The following KAZN variants were observed in gnomAD, a reference collection of about 807,000 sequenced individuals.
The protein encoded by KAZN is kazrin, periplakin interacting protein.
In KAZN, 40 loss-of-function variants were observed where a neutral mutation model predicts 87.4. That is an observed-to-expected ratio of 0.46 (90% confidence interval 0.36 to 0.60). The LOEUF (loss-of-function observed/expected upper bound fraction) is 0.60, where lower values mean the gene tolerates loss of function less well. Ranked by LOEUF, KAZN falls within the 20% of genes least tolerant of loss-of-function variation. KAZN has a pLI of 0.00. For missense variants in KAZN, 898 were observed against 1,073.9 expected, an observed-to-expected ratio of 0.84 and a Z score of 2.29; for synonymous variants, 466 against 458.3, an observed-to-expected ratio of 1.02 and a Z score of -0.22.
chr1:14,273,814 A>C (rs1000478818), intron 2 of KAZN, among the ~76,000 whole-genome samples: 3 of 147,692 alleles, frequency 2.0e-5, no homozygotes, highest in East Asian at 4.0e-4. Context: ...TCTTTCTCAA[A>C]GTCTGAAAGC....
intron 2 of KAZN, among the ~76,000 whole-genome samples, chr1:14,433,876 G>A (rs1489082201): frequency 1.3e-5 from 2 of 152,158 alleles, no homozygotes; most frequent in East Asian, 3.9e-4. Flanking sequence ...AAAAAAAAAG[G>A]AGACAGTGAA....
At position 14,317,766 on chromosome 1, in the gene KAZN, T is replaced by C. The variant is rs75351472; in HGVS notation, c.249+137174T>C. Among the ~76,000 whole-genome samples, 662 of 152,050 alleles carry C rather than the reference T, an allele frequency of 4.4e-3. 2 individuals carry two copies. The highest frequency in any genetic ancestry group is 0.017 in the Middle Eastern group (5 of 294). ...AGTGAAACAACACACAGCAGGTCCTTGAATAACATTGTTTCATTATAACAT... is the reference window on the plus strand; with the variant it reads ...AGTGAAACAACACACAGCAGGTCCTCGAATAACATTGTTTCATTATAACAT... On this transcript the variant is annotated intron_variant, in intron 2 of 16. Coordinates refer to the KAZN transcript ENST00000636203.
rs530738068 is a variant in KAZN at position 14,338,220 on chromosome 1, T to C, written c.249+157628T>C. On this transcript the variant is annotated intron_variant, in intron 2 of 16. Transcript: ENST00000636203. The stretch of plus-strand genomic sequence containing the variant: ...TGGGCGCAATGGCTCACACCTGTAA[T>C]CCCAACACTTTGGGAAGCCAAGGTG... 4.3e-4 allele frequency among the ~76,000 whole-genome samples: 65 copies of C among 151,934 alleles called. No homozygotes were observed. The South Asian group carries it at 0.01, about 24-fold the overall frequency.
At chr1:14,071,869 C>A (rs540453445) in intron 1 of KAZN, among the ~76,000 whole-genome samples, 406 of 152,310 alleles carry the variant, frequency 2.7e-3, no homozygotes, top group African/African-American at 9.2e-3. Flanking sequence ...ACTAAGGAAA[C>A]CTGAGCTGCA....
intron 2 of KAZN, among the ~76,000 whole-genome samples, chr1:14,547,539 C>T (rs74226822): frequency 0.21 from 31,738 of 152,016 alleles, 3,700 homozygotes; most frequent in Admixed American, 0.36. Flanking sequence ...AACAAGGTTC[C>T]CTGATGTATT....
In KAZN at chr1:14,417,011, T is replaced by TACACACACACAC. The variant is rs58667891; in HGVS notation, c.250-181953_250-181942dup. On this transcript the variant is annotated intron_variant, in intron 2 of 16. Coordinates refer to the KAZN transcript ENST00000636203. ...ATATATGTGTGTATGTATATATATG[T>TACACACACACAC]ACACACACACACACACACACACACA... 1.1e-4 allele frequency among the ~76,000 whole-genome samples: 16 copies of TACACACACACAC among 145,596 alleles called. No individual in the cohort carries two copies. In the East Asian group the frequency reaches 2.9e-3, roughly 26 times the overall value.
In KAZN at chr1:15,056,243, C is replaced by G. The variant is rs71631706; in HGVS notation, c.879C>G (p.Leu293=). 2 of 1,612,864 alleles carry G rather than the reference C, an allele frequency of 1.2e-6. No individual in the cohort carries two copies. The highest frequency in any genetic ancestry group is 2.2e-5 in the South Asian group (2 of 91,050). ...CCATCCGGCAGAGTCAACAGACTCT[C>G]TACCACTCACACCCCCCTCACCCTG... ...TAAIRQSQQT[L]YHSHPPHPAD... Residue 293 remains leucine, a synonymous_variant, in exon 5 of 15, where the codon CTC becomes CTG. Coordinates refer to ENST00000376030, the MANE Select transcript of KAZN (RefSeq NM_201628.3). The surrounding 1 kb of genome is among the most constrained non-coding windows in gnomAD (Gnocchi z 5.4).
intron 1 of KAZN, among the ~76,000 whole-genome samples, chr1:14,040,319 T>C (rs1399090641): frequency 1.3e-5 from 2 of 152,036 alleles, no homozygotes; most frequent in African/African-American, 4.8e-5. Context: ...CAGGCTGAAT[T>C]AGGTGGAAGG....
intron 1 of KAZN, among the ~76,000 whole-genome samples, chr1:14,832,116 A>G (rs1018656169): frequency 6.6e-6 from 1 of 152,000 alleles, no homozygotes; most frequent in African/African-American, 2.4e-5. Flanking sequence ...GAATCACTTG[A>G]ACCCAGGAGG....
chr1:14,696,768 G>T (rs1043823700), intron 1 of KAZN, among the ~76,000 whole-genome samples: 1 of 152,178 alleles, frequency 6.6e-6, no homozygotes, highest in African/African-American at 2.4e-5. Context: ...AGCTCCCAGC[G>T]AGGCTGATCC....
intron 2 of KAZN, among the ~76,000 whole-genome samples, chr1:14,230,378 G>A (rs1299250633): frequency 6.6e-6 from 1 of 152,176 alleles, no homozygotes; most frequent in African/African-American, 2.4e-5. Context: ...TGCTTGAACA[G>A]TATTATTTTA....
chr1:14,403,833 C>A (rs79694037), intron 2 of KAZN, among the ~76,000 whole-genome samples: 21 of 152,308 alleles, frequency 1.4e-4, no homozygotes, highest in Non-Finnish European at 2.8e-4. Flanking sequence ...TAATACCCAA[C>A]ATTCATTGCC....
intron 2 of KAZN, among the ~76,000 whole-genome samples, chr1:14,450,353 C>T (rs1667203784): frequency 6.6e-6 from 1 of 152,130 alleles, no homozygotes; most frequent in South Asian, 2.1e-4. Flanking sequence ...CTTTCGGAGG[C>T]CGAAGCGGGT....
chr1:14,193,805 G>A (rs1646472055), intron 2 of KAZN, among the ~76,000 whole-genome samples: 2 of 151,978 alleles, frequency 1.3e-5, no homozygotes, highest in African/African-American at 2.4e-5. Context: ...AGCCTTGAAT[G>A]CTGGCCCTAG....
intron 3 of KAZN, 117 bp from the exon 4 acceptor site, chr1:15,043,872 T>C: frequency 2.9e-6 from 3 of 1,032,468 alleles, no homozygotes; most frequent in Middle Eastern, 3.2e-4. Context: ...CTCAATCTCC[T>C]GACCTCGTGA....
At chr1:13,962,971 T>G (rs1000262478) in intron 1 of KAZN, among the ~76,000 whole-genome samples, 6 of 152,142 alleles carry the variant, frequency 3.9e-5, no homozygotes, top group Non-Finnish European at 1.5e-5. Context: ...TTTGGGGGTG[T>G]TCTGGTGACG....
intron 1 of KAZN, among the ~76,000 whole-genome samples, chr1:14,177,283 A>G (rs1209068377): frequency 6.6e-6 from 1 of 150,428 alleles, no homozygotes. Context: ...TTAAACCATC[A>G]ATAATCTTTT....
intron 1 of KAZN, among the ~76,000 whole-genome samples, chr1:14,835,549 C>T (rs545252180): frequency 6.6e-6 from 1 of 152,264 alleles, no homozygotes; most frequent in African/African-American, 2.4e-5. Flanking sequence ...TATGGATAGT[C>T]TCATTGTCAC....
intron 1 of KAZN, among the ~76,000 whole-genome samples, chr1:14,167,611 T>C (rs1237219981): frequency 6.6e-6 from 1 of 152,004 alleles, no homozygotes; most frequent in Non-Finnish European, 1.5e-5. Flanking sequence ...CAATTCCAGC[T>C]ACTAGAGAGG....
Sources: allele counts gnomAD v4.1 joint callset (sites outside exome capture counted in the v4.1 genomes callset), GRCh38; gene constraint gnomAD v4.1.1; non-coding constraint Gnocchi (gnomAD v3.1); transcripts MANE v1.5; gene names NCBI Gene and HGNC (gene_info 2026-07-23, HGNC 2026-07-21).